The following MID1 variants were observed in gnomAD, a reference collection of about 807,000 sequenced individuals.
MID1 encodes the protein E3 ubiquitin-protein ligase Midline-1.
Under a neutral mutation model 40.4 loss-of-function variants are expected in MID1, and 7 were observed. That is an observed-to-expected ratio of 0.17 (90% confidence interval 0.10 to 0.33). The LOEUF (loss-of-function observed/expected upper bound fraction) is 0.33. Ranked by LOEUF, MID1 falls within the 10% of genes least tolerant of loss-of-function variation. MID1 has a pLI of 1.00. For synonymous variants in MID1, 229 were observed against 221.2 expected (o/e 1.04, Z -0.31); for missense variants, 367 against 558.5 (o/e 0.66, Z 3.46).
At chrX:10,529,656 T>A (rs1332227190) in intron 2 of MID1, among the ~76,000 whole-genome samples, 2 of 111,698 alleles carry the variant, frequency 1.8e-5, no homozygotes, top group Non-Finnish European at 3.8e-5. Flanking sequence ...AACAAGCTGT[T>A]TTATGGATCC....
At chrX:10,674,545 G>A (rs1353960867) in intron 1 of MID1, among the ~76,000 whole-genome samples, 10 of 112,288 alleles carry the variant, frequency 8.9e-5, no homozygotes, top group Non-Finnish European at 1.5e-4. Flanking sequence ...AATGGCCAAA[G>A]TATTTCAGAA....
intron 1 of MID1, among the ~76,000 whole-genome samples, chrX:10,676,563 C>T (rs2043024632): frequency 8.9e-6 from 1 of 112,041 alleles, no homozygotes; most frequent in Non-Finnish European, 1.9e-5. Flanking sequence ...ACTTACTTGA[C>T]TGAGGGGACT....
intron 1 of MID1, among the ~76,000 whole-genome samples, chrX:10,584,237 C>T (rs1413697040): frequency 8.9e-6 from 1 of 111,913 alleles, no homozygotes; most frequent in Non-Finnish European, 1.9e-5. Flanking sequence ...AGCCCCACAT[C>T]CCAGTACTGC....
At chrX:10,459,966 T>C in intron 7 of MID1, 159 bp from the exon 8 acceptor site, 2 of 556,387 alleles carry the variant, frequency 3.6e-6, no homozygotes, top group Non-Finnish European at 6.0e-6. Flanking sequence ...CTAACGTAGA[T>C]GTGGCAGATT....
At chrX:10,702,810 T>G (rs1230103236) in intron 1 of MID1, among the ~76,000 whole-genome samples, 1 of 112,283 alleles carries the variant, frequency 8.9e-6, no homozygotes, top group Non-Finnish European at 1.9e-5. Flanking sequence ...AGTTGGGGCT[T>G]TTATGAAGTA....
chrX:10,499,741 T>C lies in MID1; in HGVS notation c.757-4050A>G, dbSNP rs181175491. On this transcript the variant is annotated intron_variant, in intron 3 of 9. Coordinates refer to ENST00000317552, the MANE Select transcript of MID1 (RefSeq NM_000381.4). ...CTTTGTCAAAAATCAATTGACCACA[T>C]TGTGAGGTCCTCAAGTTTTAATGTT... 2.5e-4 allele frequency among the ~76,000 whole-genome samples: 28 copies of C among 112,314 alleles called. No individual in the cohort carries two copies. The East Asian group carries it at 4.2e-3, about 17-fold the overall frequency.
chrX:10,761,262 CAT>C (rs1491074333), intron 1 of MID1, among the ~76,000 whole-genome samples: 5 of 111,910 alleles, frequency 4.5e-5, no homozygotes, highest in East Asian at 2.8e-4. Flanking sequence ...CACACACACA[CAT>C]ACACACACAT....
intron 1 of MID1, among the ~76,000 whole-genome samples, chrX:10,808,934 A>T (rs1412725436): frequency 1.8e-5 from 2 of 112,013 alleles, no homozygotes; most frequent in Admixed American, 9.4e-5. Flanking sequence ...AATGGGATCT[A>T]ATTAAACTAA....
chrX:10,610,195 T>C lies in MID1; in HGVS notation c.-57+10095A>G, dbSNP rs774495614. On this transcript the variant is annotated intron_variant, in intron 1 of 9. Coordinates refer to ENST00000317552, the MANE Select transcript of MID1 (RefSeq NM_000381.4). ...TGCACAAGTTGGACAATGCTCTCTA[T>C]TGATGAGGCTCTGGGGCAGTGCTCT... Among the ~76,000 whole-genome samples, 7 of 112,330 alleles carry C rather than the reference T, an allele frequency of 6.2e-5. No homozygotes were observed. In the East Asian group the frequency reaches 2.0e-3, roughly 32 times the overall value.
chrX:10,722,115 CAA>C (rs35737786), intron 1 of MID1, among the ~76,000 whole-genome samples: 1 of 103,310 alleles, frequency 9.7e-6, no homozygotes, highest in African/African-American at 3.5e-5. Context: ...CATATGGCTG[CAA>C]AAAAAAAAAT....
At chrX:10,451,640 G>GAATC (rs777670540) in intron 9 of MID1, among the ~76,000 whole-genome samples, 1 of 111,832 alleles carries the variant, frequency 8.9e-6, no homozygotes, top group East Asian at 2.8e-4. Context: ...GAAGGAAATT[G>GAATC]AATCATGGGG....
intron 7 of MID1, among the ~76,000 whole-genome samples, chrX:10,463,293 C>T (rs1159649880): frequency 2.7e-5 from 3 of 112,105 alleles, no homozygotes; most frequent in African/African-American, 9.7e-5. Context: ...TCTAAGTCTC[C>T]TTCACTAACG....
rs775371796 is a variant in MID1 at position 10,635,155 on chromosome X, A to C, written c.-186-14736T>G. On this transcript the variant is annotated intron_variant, in intron 1 of 10. Transcript: ENST00000380785. Reference sequence around the variant, plus strand: ...CAAGTTGAAAAGCATAACCTGCCCCAGAGAAGAGATCTAGCAATTTCATTG... The same window carrying C: ...CAAGTTGAAAAGCATAACCTGCCCCCGAGAAGAGATCTAGCAATTTCATTG... 3.2e-4 allele frequency among the ~76,000 whole-genome samples: 36 copies of C among 112,491 alleles called. No individual in the cohort carries two copies. In the Middle Eastern group the frequency reaches 0.014, roughly 43 times the overall value.
chrX:10,740,769 C>T (rs942858709), intron 1 of MID1, among the ~76,000 whole-genome samples: 5 of 110,778 alleles, frequency 4.5e-5, no homozygotes, highest in African/African-American at 1.3e-4. Flanking sequence ...TGTATCAAGG[C>T]GTGGATTCTA....
chrX:10,734,020 A>G (rs1157468733), intron 1 of MID1, among the ~76,000 whole-genome samples: 2 of 112,550 alleles, frequency 1.8e-5, no homozygotes, highest in Non-Finnish European at 1.9e-5. Flanking sequence ...AGCTTTATTC[A>G]TAACAGTCCC....
intron 2 of MID1, among the ~76,000 whole-genome samples, chrX:10,559,281 GA>G (rs1435964086): frequency 2.7e-5 from 3 of 111,591 alleles, no homozygotes; most frequent in African/African-American, 6.5e-5. Context: ...AAGATAAAAG[GA>G]AAAAAATACA....
intron 1 of MID1, among the ~76,000 whole-genome samples, chrX:10,681,461 A>G (rs1210354533): frequency 8.9e-6 from 1 of 111,863 alleles, no homozygotes; most frequent in Non-Finnish European, 1.9e-5. Flanking sequence ...GTTGCCTGAG[A>G]CCTCAGTGGG....
At chrX:10,607,021 C>A (rs1302971977) in intron 1 of MID1, among the ~76,000 whole-genome samples, 1 of 112,397 alleles carries the variant, frequency 8.9e-6, no homozygotes, top group Non-Finnish European at 1.9e-5. Context: ...GTGTGAACCA[C>A]AACAGTGCCA....
chrX:10,533,383 AAAG>A (rs1569089847), intron 2 of MID1, among the ~76,000 whole-genome samples: 76 of 71,849 alleles, frequency 1.1e-3, no homozygotes, highest in African/African-American at 2.1e-3. Flanking sequence ...AAAGAAAAAG[AAAG>A]AAAGAAAAGA....
Sources: gnomAD v4.1 joint callset for allele counts (sites outside exome capture counted in the v4.1 genomes callset) on GRCh38, gnomAD v4.1.1 for gene constraint, MANE v1.5 for transcripts, NCBI Gene and HGNC (gene_info 2026-07-23, HGNC 2026-07-21) for gene names.